The following RSRC2 variants were observed in gnomAD, a reference collection of about 807,000 sequenced individuals.
RSRC2 encodes arginine/serine-rich coiled-coil protein 2.
Under a neutral mutation model 61.3 loss-of-function variants are expected in RSRC2, and 5 were observed. That is an observed-to-expected ratio of 0.08 (90% CI 0.04 to 0.17). RSRC2 has a LOEUF of 0.17. Among genes scored for constraint, RSRC2 ranks in the 10% least tolerant of loss-of-function variants. The pLI is 1.00. For synonymous variants in RSRC2, 202 were observed against 166.5 expected (o/e 1.21, Z -1.64); for missense variants, 381 against 518.8 (o/e 0.73, Z 2.58).
intron 1 of RSRC2, among the ~76,000 whole-genome samples, chr12:122,525,687 G>A (rs977549417): frequency 6.6e-6 from 1 of 152,016 alleles, no homozygotes; most frequent in South Asian, 2.1e-4. Flanking sequence ...GAATAAAAAT[G>A]AGGTAAGCAC....
intron 1 of RSRC2, among the ~76,000 whole-genome samples, chr12:122,525,114 C>T (rs990871864): frequency 6.6e-6 from 1 of 152,146 alleles, no homozygotes; most frequent in East Asian, 1.9e-4. Flanking sequence ...TGGCTCACTC[C>T]TGTAATCCCA....
intron 6 of RSRC2, among the ~76,000 whole-genome samples, chr12:122,512,090 G>A (rs948455699): frequency 1.3e-5 from 2 of 152,124 alleles, no homozygotes; most frequent in African/African-American, 4.8e-5. Context: ...ACAGGCGTGA[G>A]CCACCATGCC....
chr12:122,509,631 C>G (rs1235641296), intron 7 of RSRC2, among the ~76,000 whole-genome samples: 3 of 152,056 alleles, frequency 2.0e-5, no homozygotes, highest in Non-Finnish European at 4.4e-5. Flanking sequence ...TTAAAAAGTA[C>G]TTAAATTACC....
At position 122,514,972 on chromosome 12, in the gene RSRC2, C is replaced by A. The variant is rs949721993; in HGVS notation, c.725+133G>T. 8 of 995,198 alleles carry A rather than the reference C, an allele frequency of 8.0e-6. No individual in the cohort carries two copies. The African/African-American group carries it at 1.3e-4, about 16-fold the overall frequency. The allele number at this position is 995,198 out of a possible 1,614,324, so 61.6% of individuals were successfully genotyped here. On this transcript the variant is annotated intron_variant, in intron 6 of 9. Coordinates refer to ENST00000331738, the MANE Select transcript of RSRC2 (RefSeq NM_023012.6). Reference sequence around the variant, plus strand: ...TGAGAATTAAACTATTTACATAGTTCTAGATCACAAATATGCCACCATATT... The same window carrying A: ...TGAGAATTAAACTATTTACATAGTTATAGATCACAAATATGCCACCATATT...
Position 122,518,895 on chromosome 12 carries a change from G to C in RSRC2, c.342C>G (p.Arg114=), listed in dbSNP as rs768188402. The change falls in exon 4 of 10, where the codon CGC becomes CGG. Residue 114 remains arginine, a synonymous_variant. Transcript: ENST00000331738. ...TGCCTCTTGATGACTTTCTTTCTTTGCGTTTGTGCCTGTCCTCACCATTTT... is the reference window on the plus strand; with the variant it reads ...TGCCTCTTGATGACTTTCTTTCTTTCCGTTTGTGCCTGTCCTCACCATTTT... ...SSENGEDRHK[R]KERKSSRGRS... 9 of 1,613,996 alleles carry C rather than the reference G, an allele frequency of 5.6e-6. No homozygotes were observed. The highest frequency in any genetic ancestry group is 7.6e-6 in the Non-Finnish European group (9 of 1,180,008).
At position 122,514,422 on chromosome 12, in the gene RSRC2, G is replaced by A. The variant is rs374794092; in HGVS notation, c.725+683C>T. ...TGGGATTACAGGCGCCTGCCACCACGCCCAGCTAATTTTTGTATTTTTAGT... is the reference window on the plus strand; with the variant it reads ...TGGGATTACAGGCGCCTGCCACCACACCCAGCTAATTTTTGTATTTTTAGT... On this transcript the variant is annotated intron_variant, in intron 6 of 9. Coordinates refer to ENST00000331738, the MANE Select transcript of RSRC2 (RefSeq NM_023012.6). 2.4e-4 allele frequency among the ~76,000 whole-genome samples: 37 copies of A among 151,434 alleles called. 1 individual carries two copies. In the South Asian group the frequency reaches 3.3e-3, roughly 14 times the overall value.
At chr12:122,505,733 A>G (rs754034980) in intron 9 of RSRC2, 27 bp from the exon 10 acceptor site, 1 of 1,566,308 alleles carries the variant, frequency 6.4e-7, no homozygotes, top group Non-Finnish European at 8.7e-7. Context: ...AAACATTACA[A>G]TGAATTCAGA....
intron 2 of RSRC2, 129 bp downstream of exon 2, chr12:122,522,014 A>T: frequency 1.0e-6 from 1 of 961,356 alleles, no homozygotes; most frequent in East Asian, 2.6e-5. Context: ...TGGCCTCCCA[A>T]AGTGCTGGCA....
chr12:122,503,720 GAA>G lies in RSRC2; in HGVS notation c.*1805_*1806del, dbSNP rs1336829710. 3.3e-5 allele frequency: 5 copies of G among 152,180 alleles called. No homozygotes were observed. Among genetic ancestry groups the G allele is most frequent in the African/African-American group, 9.7e-5 (4 of 41,438 alleles). The allele number at this position is 152,180 out of a possible 1,614,324, so 9.4% of individuals were successfully genotyped here. ...CTTAGATTTGTCACTGAAACACGGTGAAAAGCCATTTTGCCATAGAATTTCTG... is the reference window on the plus strand; with the variant it reads ...CTTAGATTTGTCACTGAAACACGGTGAAGCCATTTTGCCATAGAATTTCTG... On this transcript the variant is annotated 3_prime_UTR_variant, in exon 10 of 10. Transcript: ENST00000331738.
At chr12:122,524,309 T>C (rs879903941) in intron 1 of RSRC2, among the ~76,000 whole-genome samples, 2 of 152,144 alleles carry the variant, frequency 1.3e-5, no homozygotes, top group Admixed American at 6.5e-5. Context: ...ACTTGCTGAG[T>C]GTTTGTACAG....
In RSRC2 at chr12:122,512,593, G is replaced by A. The variant is rs1459499705; in HGVS notation, c.726-1405C>T. Among the ~76,000 whole-genome samples the A allele has an allele frequency of 3.3e-5, 5 of 152,012 alleles. No homozygotes were observed. The East Asian group carries it at 5.8e-4, about 18-fold the overall frequency. ...TAAAAATACAAAAAATTAGCAGGGC[G>A]TGGTGGTGGGCGCCTGTAATCTCAG... On this transcript the variant is annotated intron_variant, in intron 6 of 9. Coordinates refer to ENST00000331738, the MANE Select transcript of RSRC2 (RefSeq NM_023012.6).
rs534628782 is a variant in RSRC2 at position 122,515,180 on chromosome 12, A to G, written c.650T>C (p.Leu217Ser). 1 of 1,614,132 alleles carries G rather than the reference A, an allele frequency of 6.2e-7. No individual in the cohort carries two copies. The highest frequency in any genetic ancestry group is 2.2e-5 in the East Asian group (1 of 44,880). ...GGGAGGTGGACTTGGAGTCCGGCTTAAACTTCTGCTAAATCTTCTCGGCTT... is the reference window on the plus strand; with the variant it reads ...GGGAGGTGGACTTGGAGTCCGGCTTGAACTTCTGCTAAATCTTCTCGGCTT... The part of the protein sequence containing the change: ...IEKPRRFSRS[L>S]SRTPSPPPFR... Residue 217 changes from leucine (L) to serine (S), a missense_variant, in exon 6 of 10, where the codon TTA becomes TCA. By Grantham distance (145) the Leu-to-Ser change is moderately radical. Coordinates refer to ENST00000331738, the MANE Select transcript of RSRC2 (RefSeq NM_023012.6).
intron 5 of RSRC2, among the ~76,000 whole-genome samples, chr12:122,516,925 T>A (rs1376707009): frequency 6.6e-6 from 1 of 152,126 alleles, no homozygotes; most frequent in Non-Finnish European, 1.5e-5. Flanking sequence ...ACTCCTGGGC[T>A]CAAAAAATCT....
intron 6 of RSRC2, chr12:122,513,806 G>C (rs1013915363): frequency 2.0e-6 from 2 of 985,372 alleles, no homozygotes; most frequent in Non-Finnish European, 2.4e-6. Context: ...GTCAGGCTGG[G>C]TTCCCAGGGA....
intron 6 of RSRC2, chr12:122,514,856 T>C: frequency 1.4e-6 from 1 of 689,906 alleles, no homozygotes; most frequent in Non-Finnish European, 2.1e-6. Flanking sequence ...TTTGGGAGTC[T>C]AAATTTGAGA....
At chr12:122,524,955 A>T (rs1356782862) in intron 1 of RSRC2, among the ~76,000 whole-genome samples, 1 of 152,216 alleles carries the variant, frequency 6.6e-6, no homozygotes, top group African/African-American at 2.4e-5. Flanking sequence ...CTCGAAACAT[A>T]GACAAATCTT....
intron 1 of RSRC2, among the ~76,000 whole-genome samples, chr12:122,526,587 G>C (rs1408775127): frequency 6.6e-6 from 1 of 151,990 alleles, no homozygotes; most frequent in Non-Finnish European, 1.5e-5. Flanking sequence ...AGTTCAGTGA[G>C]GCGAAAGGAA....
chr12:122,522,640 T>G (rs1959396522), intron 1 of RSRC2, among the ~76,000 whole-genome samples: 1 of 152,214 alleles, frequency 6.6e-6, no homozygotes. Context: ...CCTTTTTAGA[T>G]GTGTGAATGC....
intron 3 of RSRC2, 54 bp downstream of exon 3, chr12:122,521,331 C>G: frequency 7.3e-7 from 1 of 1,363,160 alleles, no homozygotes; most frequent in Non-Finnish European, 1.0e-6. Context: ...AATCTTTCTA[C>G]CAGACACTTT....
Sources: gnomAD v4.1 joint callset for allele counts (sites outside exome capture counted in the v4.1 genomes callset) on GRCh38, gnomAD v4.1.1 for gene constraint, MANE v1.5 for transcripts, NCBI Gene and HGNC (gene_info 2026-07-23, HGNC 2026-07-21) for gene names.